XPR1: variants seen among roughly 807,000 people sequenced by gnomAD.
XPR1 encodes the protein solute carrier family 53 member 1.
A neutral mutation model predicts 87.5 loss-of-function variants in XPR1; 28 were observed. The ratio of observed to expected loss-of-function variants is 0.32; its 90% CI spans 0.24 to 0.44. The LOEUF (loss-of-function observed/expected upper bound fraction) is 0.44, where lower values mean the gene tolerates loss of function less well. Among genes scored for constraint, XPR1 ranks in the 20% least tolerant of loss-of-function variants. XPR1 has a pLI of 1.00. For synonymous variants in XPR1, 300 were observed against 306.1 expected (o/e 0.98, Z 0.21); for missense variants, 559 against 862.3 (o/e 0.65, Z 4.41).
At chr1:180,768,178 C>G (rs903873545) in intron 2 of XPR1, among the ~76,000 whole-genome samples, 2 of 152,026 alleles carry the variant, frequency 1.3e-5, no homozygotes, top group Non-Finnish European at 1.5e-5. Flanking sequence ...TTCAGTTAAA[C>G]TGAATGAGTA....
intron 9 of XPR1, 73 bp downstream of exon 9, chr1:180,825,417 G>A: frequency 6.8e-7 from 1 of 1,479,704 alleles, no homozygotes; most frequent in South Asian, 1.3e-5. Flanking sequence ...ATAAAACCAA[G>A]GCTGCTAGGT....
At chr1:180,799,752 A>G (rs1649712621) in intron 3 of XPR1, among the ~76,000 whole-genome samples, 1 of 152,172 alleles carries the variant, frequency 6.6e-6, no homozygotes, top group Admixed American at 6.5e-5. Flanking sequence ...GTTCAGTGCT[A>G]GTCTCTGCTG....
At chr1:180,869,578 T>G (rs1170193710) in intron 12 of XPR1, among the ~76,000 whole-genome samples, 6 of 103,770 alleles carry the variant, frequency 5.8e-5, no homozygotes, top group African/African-American at 2.5e-4. Flanking sequence ...ATCCATTTCT[T>G]CTAGATTTTC....
chr1:180,716,203 C>T (rs1007990606), intron 2 of XPR1, among the ~76,000 whole-genome samples: 2 of 151,958 alleles, frequency 1.3e-5, no homozygotes, highest in Non-Finnish European at 2.9e-5. Flanking sequence ...GTGGCGCTGC[C>T]TCGAACTACT....
At chr1:180,833,728 A>G (rs1651162284) in intron 9 of XPR1, among the ~76,000 whole-genome samples, 1 of 152,238 alleles carries the variant, frequency 6.6e-6, no homozygotes, top group African/African-American at 2.4e-5. Context: ...AGAAAGTACA[A>G]ATATGAATAC....
At chr1:180,808,128 AGT>A (rs1650068833) in intron 6 of XPR1, among the ~76,000 whole-genome samples, 1 of 152,228 alleles carries the variant, frequency 6.6e-6, no homozygotes, top group African/African-American at 2.4e-5. Context: ...GTGTGGTAAT[AGT>A]GTCATGGTAG....
chr1:180,651,300 C>T (rs1308315855), intron 1 of XPR1, among the ~76,000 whole-genome samples: 1 of 152,130 alleles, frequency 6.6e-6, no homozygotes, highest in Non-Finnish European at 1.5e-5. Context: ...CCATGTTGGC[C>T]AGGCTGGTCT....
At position 180,825,163 on chromosome 1, in the gene XPR1, A is replaced by G; in HGVS notation, c.955-2A>G. On this transcript the variant is annotated splice_acceptor_variant, in intron 8 of 14. Coordinates refer to ENST00000367590, the MANE Select transcript of XPR1 (RefSeq NM_004736.4). LOFTEE classifies it high-confidence loss of function. The stretch of plus-strand genomic sequence containing the variant: ...CTTTCTGTCTTCCCCATCCTTTACT[A>G]GATTGCTGGATTCCTCGGGATATTG... 6.2e-7 allele frequency: 1 copy of G among 1,600,942 alleles called. No homozygotes were observed. The highest frequency in any genetic ancestry group is 8.5e-7 in the Non-Finnish European group (1 of 1,176,308).
intron 2 of XPR1, among the ~76,000 whole-genome samples, chr1:180,774,303 G>A (rs1459593376): frequency 6.6e-6 from 1 of 151,640 alleles, no homozygotes; most frequent in African/African-American, 2.4e-5. Context: ...GTAGTTTATG[G>A]ATGTTAAAGA....
intron 13 of XPR1, among the ~76,000 whole-genome samples, chr1:180,877,551 A>G (rs961251085): frequency 6.6e-6 from 1 of 152,248 alleles, no homozygotes; most frequent in Non-Finnish European, 1.5e-5. Flanking sequence ...AGAACTAAGT[A>G]TGAAGAGTAA....
intron 9 of XPR1, among the ~76,000 whole-genome samples, chr1:180,831,707 C>G (rs1248569406): frequency 6.6e-6 from 1 of 152,068 alleles, no homozygotes. Flanking sequence ...TCATCCATGT[C>G]CCTGCAAAGG....
intron 7 of XPR1, among the ~76,000 whole-genome samples, chr1:180,816,259 A>AGC (rs1650406824): frequency 6.6e-6 from 1 of 152,188 alleles, no homozygotes; most frequent in African/African-American, 2.4e-5. Flanking sequence ...TCTCATAAGG[A>AGC]GCGCGCAACC....
intron 4 of XPR1, among the ~76,000 whole-genome samples, chr1:180,805,638 A>T (rs1173532247): frequency 6.6e-6 from 1 of 152,244 alleles, no homozygotes; most frequent in Non-Finnish European, 1.5e-5. Context: ...TCCTTCCAAA[A>T]ATAAAGAACT....
intron 2 of XPR1, among the ~76,000 whole-genome samples, chr1:180,765,688 T>C (rs550504807): frequency 1.2e-4 from 18 of 152,260 alleles, no homozygotes; most frequent in African/African-American, 4.3e-4. Flanking sequence ...ATGTAAATAC[T>C]ATGTAAATAG....
chr1:180,632,712 C>G (rs961615613), intron 1 of XPR1, among the ~76,000 whole-genome samples: 3 of 152,268 alleles, frequency 2.0e-5, no homozygotes, highest in Admixed American at 6.5e-5. Flanking sequence ...CTCTCTACAC[C>G]TCTCACCAAG....
intron 4 of XPR1, among the ~76,000 whole-genome samples, chr1:180,804,423 A>G (rs1326816078): frequency 1.3e-5 from 2 of 152,248 alleles, no homozygotes; most frequent in African/African-American, 4.8e-5. Context: ...TTTACTGTCC[A>G]TGGGCTGCAA....
At chr1:180,874,136 C>G (rs1350659312) in intron 13 of XPR1, 194 bp downstream of exon 13, 1 of 600,696 alleles carries the variant, frequency 1.7e-6, no homozygotes, top group Non-Finnish European at 2.7e-6. Flanking sequence ...CTCAGTTGAT[C>G]CACCCACCTC....
At chr1:180,862,602 A>G (rs1176880018) in intron 11 of XPR1, among the ~76,000 whole-genome samples, 2 of 152,064 alleles carry the variant, frequency 1.3e-5, no homozygotes, top group African/African-American at 2.4e-5. Context: ...TTGAGCTCAA[A>G]TTTATCAATT....
At chr1:180,782,139 T>G (rs1029259349) in intron 2 of XPR1, among the ~76,000 whole-genome samples, 4 of 150,900 alleles carry the variant, frequency 2.7e-5, no homozygotes, top group Non-Finnish European at 4.5e-5. Flanking sequence ...TCTTTACCTG[T>G]TTTTTATTTT....
Sources: allele counts gnomAD v4.1 joint callset (sites outside exome capture counted in the v4.1 genomes callset), GRCh38; gene constraint gnomAD v4.1.1; transcripts MANE v1.5; gene names NCBI Gene and HGNC (gene_info 2026-07-23, HGNC 2026-07-21).